Variants in APOOL observed in about 807,000 individuals in gnomAD.
APOOL encodes apolipoprotein O like.
In APOOL, 12 loss-of-function variants were observed where a neutral mutation model predicts 23.1. That is an observed-to-expected ratio of 0.52 (90% confidence interval 0.33 to 0.84). The LOEUF (loss-of-function observed/expected upper bound fraction) is 0.84, where lower values mean the gene tolerates loss of function less well. Ranked by LOEUF, APOOL falls within the 40% of genes least tolerant of loss-of-function variation. The pLI is 0.02. For missense variants in APOOL, 212 were observed against 199.6 expected, an observed-to-expected ratio of 1.06 and a Z score of -0.37; for synonymous variants, 77 against 69.9, an observed-to-expected ratio of 1.10 and a Z score of -0.51.
intron 1 of APOOL, among the ~76,000 whole-genome samples, chrX:85,012,737 C>T (rs1269850837): frequency 8.9e-6 from 1 of 111,898 alleles, no homozygotes; most frequent in Non-Finnish European, 1.9e-5. Flanking sequence ...TGTTTGGATT[C>T]AGTTAGCTAG....
chrX:85,032,673 A>G (rs754108830), intron 1 of APOOL, among the ~76,000 whole-genome samples: 17 of 112,118 alleles, frequency 1.5e-4, no homozygotes, highest in African/African-American at 4.8e-4. Context: ...ACAATTATTG[A>G]ATGATTAATA....
chrX:85,047,331 G>A lies in APOOL; in HGVS notation c.120+781G>A, dbSNP rs769259074. On this transcript the variant is annotated intron_variant, in intron 2 of 8. Coordinates refer to ENST00000373173, the MANE Select transcript of APOOL (RefSeq NM_198450.6). ...ATGTTCAGGATAGTGTTTTCTTCAG[G>A]TGTAAGTAGTTTGTTTTTCTTTTTA... Among the ~76,000 whole-genome samples, 218 of 111,297 alleles carry A rather than the reference G, an allele frequency of 2.0e-3. 1 individual carries two copies. Among genetic ancestry groups the A allele is most frequent in the African/African-American group, 6.9e-3 (211 of 30,770 alleles).
intron 1 of APOOL, among the ~76,000 whole-genome samples, chrX:85,024,735 C>T (rs1339941365): frequency 8.9e-6 from 1 of 112,593 alleles, no homozygotes; most frequent in African/African-American, 3.2e-5. Flanking sequence ...CGCCAGCAGC[C>T]GTCTTTTCTG....
At chrX:85,031,737 C>A (rs1249489443) in intron 1 of APOOL, among the ~76,000 whole-genome samples, 1 of 111,637 alleles carries the variant, frequency 9.0e-6, no homozygotes, top group African/African-American at 3.3e-5. Context: ...TGTTTGGGGC[C>A]TAGGAAGATT....
chrX:85,014,933 C>T (rs1361093103), intron 1 of APOOL, among the ~76,000 whole-genome samples: 1 of 110,329 alleles, frequency 9.1e-6, no homozygotes, highest in African/African-American at 3.3e-5. Context: ...TTTGAGATTT[C>T]TCTTCTTCCT....
At chrX:85,032,274 G>A (rs947638267) in intron 1 of APOOL, among the ~76,000 whole-genome samples, 3 of 111,995 alleles carry the variant, frequency 2.7e-5, no homozygotes, top group African/African-American at 6.5e-5. Context: ...CAGCACTTTG[G>A]GAGGCCAAGG....
chrX:85,052,101 A>C (rs1216560792), intron 3 of APOOL, among the ~76,000 whole-genome samples: 1 of 111,807 alleles, frequency 8.9e-6, no homozygotes, highest in Non-Finnish European at 1.9e-5. Context: ...TATTGAACCT[A>C]CTCTACCACT....
intron 6 of APOOL, among the ~76,000 whole-genome samples, chrX:85,069,929 C>T (rs767643305): frequency 9.0e-6 from 1 of 111,495 alleles, no homozygotes; most frequent in South Asian, 3.7e-4. Context: ...AAGCATTTAA[C>T]TTAATTTTCC....
intron 5 of APOOL, among the ~76,000 whole-genome samples, chrX:85,062,792 G>A (rs1479318129): frequency 9.0e-6 from 1 of 111,620 alleles, no homozygotes; most frequent in East Asian, 2.8e-4. Context: ...AAGTCAGGTA[G>A]CATGATGGCT....
intron 1 of APOOL, among the ~76,000 whole-genome samples, chrX:85,007,112 A>G (rs1048217031): frequency 1.8e-5 from 2 of 111,707 alleles, no homozygotes; most frequent in African/African-American, 6.5e-5. Flanking sequence ...AGAGGAAAAT[A>G]TGCCTTTAGG....
In APOOL at chrX:85,051,502, G is replaced by T; in HGVS notation, c.234G>T (p.Trp78Cys). Residue 78 changes from tryptophan (W) to cysteine (C), a missense_variant, in exon 3 of 9, where the codon TGG (tryptophan) becomes TGT (cysteine). Trp to Cys is a radical substitution (Grantham distance 215, BLOSUM62 -2). Coordinates refer to ENST00000373173, the MANE Select transcript of APOOL (RefSeq NM_198450.6). ...CTGCAACTGGTTGTTACATTGGCTG[G>T]TGCAAGGTAAGTCAATTCTGATAGT... Reference protein sequence around the residue: ...IRTATGCYIGWCKGVYVFVKN... With the variant: ...IRTATGCYIGCCKGVYVFVKN... 8.3e-7 allele frequency: 1 copy of T among 1,211,142 alleles called. No individual in the cohort carries two copies. The highest frequency in any genetic ancestry group is 3.0e-5 in the East Asian group (1 of 33,848).
chrX:85,071,953 G>A (rs904831744), intron 6 of APOOL, among the ~76,000 whole-genome samples: 1 of 111,137 alleles, frequency 9.0e-6, no homozygotes, highest in Admixed American at 9.6e-5. Context: ...AATTAGCCGG[G>A]CATGGTGGCG....
chrX:85,015,508 A>G (rs970168841), intron 1 of APOOL, among the ~76,000 whole-genome samples: 2 of 108,598 alleles, frequency 1.8e-5, no homozygotes, highest in East Asian at 2.9e-4. Flanking sequence ...TTTATTTTAA[A>G]TTTCTTTTTT....
At chrX:85,027,862 GAGA>G (rs1234698807) in intron 1 of APOOL, among the ~76,000 whole-genome samples, 4 of 111,903 alleles carry the variant, frequency 3.6e-5, no homozygotes, top group African/African-American at 1.3e-4. Context: ...CTCACTGAGG[GAGA>G]AGTTTCATCA....
chrX:85,010,828 T>A (rs1921251192), intron 1 of APOOL, among the ~76,000 whole-genome samples: 1 of 111,902 alleles, frequency 8.9e-6, no homozygotes, highest in African/African-American at 3.2e-5. Flanking sequence ...GTGACTTTTT[T>A]ATATAATGAC....
intron 8 of APOOL, among the ~76,000 whole-genome samples, chrX:85,080,663 A>G (rs1432612381): frequency 9.0e-6 from 1 of 111,215 alleles, no homozygotes; most frequent in Non-Finnish European, 1.9e-5. Context: ...CTTCTGTGTC[A>G]TTGATCTGTC....
At chrX:85,077,138 G>C (rs1341316571) in intron 8 of APOOL, among the ~76,000 whole-genome samples, 1 of 102,018 alleles carries the variant, frequency 9.8e-6, no homozygotes, top group African/African-American at 3.6e-5. Flanking sequence ...TTAAGTTCTA[G>C]GGTACATGTG....
chrX:85,024,131 C>CT (rs1326604214), intron 1 of APOOL, among the ~76,000 whole-genome samples: 3 of 112,044 alleles, frequency 2.7e-5, no homozygotes, highest in Non-Finnish European at 5.6e-5. Flanking sequence ...GCTTAGTGAT[C>CT]AGTGGTTGGC....
At chrX:85,075,637 T>C (rs1048703432) in intron 8 of APOOL, among the ~76,000 whole-genome samples, 12 of 111,737 alleles carry the variant, frequency 1.1e-4, no homozygotes, top group Non-Finnish European at 2.3e-4. Context: ...TAATGTATGG[T>C]CATTTTTCCA....
Sources: allele counts gnomAD v4.1 joint callset (sites outside exome capture counted in the v4.1 genomes callset), GRCh38; gene constraint gnomAD v4.1.1; transcripts MANE v1.5; gene names NCBI Gene and HGNC (gene_info 2026-07-23, HGNC 2026-07-21).